RGSL1: variants seen among roughly 807,000 people sequenced by gnomAD.
RGSL1 encodes the protein regulator of G protein signaling like 1.
RGSL1 carries 97 observed loss-of-function variants against 124.7 expected under a neutral mutation model. That is an observed-to-expected ratio of 0.78 (90% confidence interval 0.66 to 0.92). RGSL1 has a LOEUF of 0.92. Among genes scored for constraint, RGSL1 ranks in the 40% least tolerant of loss-of-function variants. RGSL1 has a pLI of 0.00. For synonymous variants in RGSL1, 424 were observed against 438.1 expected, an observed-to-expected ratio of 0.97 and a Z score of 0.40; for missense variants, 1,233 against 1,288.4, an observed-to-expected ratio of 0.96 and a Z score of 0.66.
chr1:182,516,727 A>C (rs926375509), intron 9 of RGSL1, among the ~76,000 whole-genome samples: 3 of 152,122 alleles, frequency 2.0e-5, no homozygotes, highest in African/African-American at 4.8e-5. Flanking sequence ...ATATTTTTAA[A>C]AAATTTTTAC....
chr1:182,477,448 G>A (rs12402404), intron 6 of RGSL1, among the ~76,000 whole-genome samples: 24,712 of 152,060 alleles, frequency 0.16, 2,464 homozygotes, highest in Admixed American at 0.26. Flanking sequence ...AAGAAATATC[G>A]TCTGCCCTGA....
chr1:182,488,289 T>C lies in RGSL1; in HGVS notation c.1436T>C (p.Leu479Pro). The C allele has an allele frequency of 1.9e-6, 3 of 1,552,228 alleles. No homozygotes were observed. Among genetic ancestry groups the C allele is most frequent in the Non-Finnish European group, 2.6e-6 (3 of 1,147,086 alleles). ...PKAQKEICKM[L>P]SPWYDEFLDE... is the part of the protein sequence containing the mutation. ...TATGCTGTGTTTGGTTTTCAGATGC[T>C]CAGTCCCTGGTATGATGAGTTTCTA... Residue 479 changes from leucine (L) to proline (P), a missense_variant, in exon 7 of 22, where the codon CTC (leucine) becomes CCC (proline). Physicochemically the swap from Leu to Pro is moderately conservative, Grantham distance 98 (BLOSUM62 -3). Transcript: ENST00000294854.
intron 6 of RGSL1, among the ~76,000 whole-genome samples, chr1:182,482,822 A>G (rs563622160): frequency 6.6e-5 from 10 of 152,372 alleles, no homozygotes; most frequent in Admixed American, 1.3e-4. Context: ...CTGCACTATT[A>G]TGTTCATTGC....
chr1:182,453,544 T>C (rs1244481176), intron 1 of RGSL1: 1 of 156,232 alleles, frequency 6.4e-6, no homozygotes, highest in African/African-American at 2.4e-5. Flanking sequence ...GACTAGCCAG[T>C]GGGGTTGGAG....
At chr1:182,532,441 T>G (rs570915110) in intron 13 of RGSL1, among the ~76,000 whole-genome samples, 1 of 152,238 alleles carries the variant, frequency 6.6e-6, no homozygotes, top group Non-Finnish European at 1.5e-5. Flanking sequence ...TCCAGTCTGT[T>G]GAAGCTGGAA....
intron 9 of RGSL1, among the ~76,000 whole-genome samples, chr1:182,494,492 A>C (rs778707998): frequency 1.3e-5 from 2 of 152,164 alleles, no homozygotes; most frequent in African/African-American, 4.8e-5. Context: ...TTTTCTTTTT[A>C]GCTTTTTCAA....
At position 182,540,376 on chromosome 1, in the gene RGSL1, T is replaced by C. The variant is rs769193141; in HGVS notation, c.2624T>C (p.Val875Ala). The C allele has an allele frequency of 8.0e-5, 124 of 1,551,148 alleles. No homozygotes were observed. The highest frequency in any genetic ancestry group is 1.1e-4 in the Non-Finnish European group (121 of 1,146,706). ...RRIFGHRIIT[V>A]NFAINDLYFF... is the part of the protein sequence containing the mutation. ...ATATTTGGCCACAGGATTATCACTGTCAACTTTGCGATCAATGATCTATAT... is the reference window on the plus strand; with the variant it reads ...ATATTTGGCCACAGGATTATCACTGCCAACTTTGCGATCAATGATCTATAT... Residue 875 changes from valine (V) to alanine (A), a missense_variant, in exon 15 of 22, where the codon GTC (valine) becomes GCC (alanine). Physicochemically the swap from Val to Ala is moderately conservative, Grantham distance 64 (BLOSUM62 0). Coordinates refer to ENST00000294854, the MANE Select transcript of RGSL1 (RefSeq NM_001137669.2).
chr1:182,518,468 G>A (rs2102225922), intron 9 of RGSL1, among the ~76,000 whole-genome samples: 1 of 152,212 alleles, frequency 6.6e-6, no homozygotes, highest in Non-Finnish European at 1.5e-5. Context: ...ACTCTGATTT[G>A]ACGTCTCCTT....
At chr1:182,518,677 G>A (rs1352430199) in intron 9 of RGSL1, among the ~76,000 whole-genome samples, 1 of 152,188 alleles carries the variant, frequency 6.6e-6, no homozygotes, top group African/African-American at 2.4e-5. Flanking sequence ...GAAACAGCAA[G>A]TTGGGGGAAA....
At chr1:182,469,468 C>T (rs1422445558) in intron 4 of RGSL1, among the ~76,000 whole-genome samples, 2 of 152,080 alleles carry the variant, frequency 1.3e-5, no homozygotes, top group African/African-American at 2.4e-5. Flanking sequence ...AATGAGATAC[C>T]ATTGCACACC....
At chr1:182,552,978 C>T (rs1445456897) in intron 18 of RGSL1, among the ~76,000 whole-genome samples, 1 of 152,162 alleles carries the variant, frequency 6.6e-6, no homozygotes, top group Non-Finnish European at 1.5e-5. Context: ...GATCTTGGCT[C>T]ACCACACCCT....
intron 4 of RGSL1, among the ~76,000 whole-genome samples, chr1:182,465,427 CA>C (rs1254003345): frequency 7.1e-6 from 1 of 140,650 alleles, no homozygotes; most frequent in Non-Finnish European, 1.5e-5. Flanking sequence ...AACACTTGGA[CA>C]CAGGAAGGGG....
At chr1:182,506,934 A>G (rs931790124) in intron 9 of RGSL1, among the ~76,000 whole-genome samples, 1 of 151,628 alleles carries the variant, frequency 6.6e-6, no homozygotes, top group Non-Finnish European at 1.5e-5. Context: ...CTTGAAATAT[A>G]CAATAGATTG....
chr1:182,548,634 G>A (rs546709896), intron 16 of RGSL1, 66 bp from the exon 17 acceptor site: 2 of 1,540,582 alleles, frequency 1.3e-6, no homozygotes, highest in Admixed American at 2.0e-5. Context: ...GGTTCTGGGG[G>A]CCAGGAGAGG....
intron 9 of RGSL1, among the ~76,000 whole-genome samples, chr1:182,502,949 A>G (rs891628972): frequency 1.3e-5 from 2 of 152,208 alleles, no homozygotes; most frequent in Non-Finnish European, 2.9e-5. Context: ...TTGAAACTAC[A>G]ATGTGATGTC....
chr1:182,509,877 C>T (rs1366491008), intron 9 of RGSL1, among the ~76,000 whole-genome samples: 1 of 140,996 alleles, frequency 7.1e-6, no homozygotes, highest in Admixed American at 6.8e-5. Flanking sequence ...TCCTCACTTC[C>T]CAGATGGGGT....
intron 10 of RGSL1, 107 bp from the exon 11 acceptor site, chr1:182,527,472 C>T: frequency 3.4e-6 from 3 of 889,900 alleles, no homozygotes; most frequent in South Asian, 1.8e-5. Flanking sequence ...TCACATATGG[C>T]TAAAGGCCTT....
At chr1:182,527,479 C>A in intron 10 of RGSL1, 100 bp from the exon 11 acceptor site, 1 of 943,244 alleles carries the variant, frequency 1.1e-6, no homozygotes, top group Non-Finnish European at 1.6e-6. Context: ...TGGCTAAAGG[C>A]CTTATAGCCT....
At chr1:182,465,550 A>G (rs1032546250) in intron 4 of RGSL1, among the ~76,000 whole-genome samples, 2 of 152,070 alleles carry the variant, frequency 1.3e-5, no homozygotes, top group African/African-American at 4.8e-5. Flanking sequence ...AACATGGCAC[A>G]TGTATACATG....
Sources: gnomAD v4.1 joint callset for allele counts (sites outside exome capture counted in the v4.1 genomes callset) on GRCh38, gnomAD v4.1.1 for gene constraint, MANE v1.5 for transcripts, NCBI Gene and HGNC (gene_info 2026-07-23, HGNC 2026-07-21) for gene names.